TM2D2: variants seen among roughly 807,000 people sequenced by gnomAD.
TM2D2 encodes TM2 domain containing 2.
In TM2D2, 19 loss-of-function variants were observed where a neutral mutation model predicts 23.0. The observed-to-expected ratio is 0.82, with a 90% CI of 0.58 to 1.21. The LOEUF (loss-of-function observed/expected upper bound fraction) is 1.21, where lower values mean the gene tolerates loss of function less well. TM2D2 is among the 50% of genes most tolerant of loss of function. The probability of loss-of-function intolerance (pLI) is 0.00; values close to 1 mark genes in which losing one functional copy is unlikely to be tolerated. For missense variants in TM2D2, 246 were observed against 265.4 expected, an observed-to-expected ratio of 0.93 and a Z score of 0.51; for synonymous variants, 120 against 108.8, an observed-to-expected ratio of 1.10 and a Z score of -0.64.
At chr8:38,996,083 G>T in intron 1 of TM2D2, 130 bp downstream of exon 1, 2 of 1,104,342 alleles carry the variant, frequency 1.8e-6, no homozygotes, top group Non-Finnish European at 2.5e-6. Context: ...CATGATATTT[G>T]CCTCCGGAAC....
chr8:38,993,540 C>T lies in TM2D2; in HGVS notation c.431+5G>A. On this transcript the variant is annotated splice_donor_5th_base_variant and intron_variant, in intron 3 of 3. Coordinates refer to ENST00000456397, the MANE Select transcript of TM2D2 (RefSeq NM_078473.3). ...ACCAACTACTCCAATCAAAGTAACA[C>T]TTACTTTATACAAGGTTTATTTTCT... The T allele has an allele frequency of 1.3e-6, 2 of 1,588,624 alleles. No homozygotes were observed. The highest frequency in any genetic ancestry group is 1.7e-6 in the Non-Finnish European group (2 of 1,157,400).
rs1175796610 is a variant in TM2D2, at chr8:38,989,592, T to A, written c.*1740A>T. 6 of 152,268 alleles carry A rather than the reference T, an allele frequency of 3.9e-5. No individual in the cohort carries two copies. Among genetic ancestry groups the A allele is most frequent in the African/African-American group, 1.4e-4 (6 of 41,454 alleles). The allele number at this position is 152,268 out of a possible 1,614,324, so 9.4% of individuals were successfully genotyped here. On this transcript the variant is annotated 3_prime_UTR_variant, in exon 4 of 4. Transcript: ENST00000456397. ...GCCTCGGCCTCCCAAAGTGCAGGGA[T>A]TACAGGCTTGCACCATTGCGCTGGC...
intron 3 of TM2D2, 87 bp downstream of exon 3, chr8:38,993,458 A>G (rs550558278): frequency 4.0e-6 from 4 of 1,003,712 alleles, no homozygotes; most frequent in Admixed American, 5.1e-5. Context: ...CCTGTCTCTT[A>G]AAACAAAAAA....
At chr8:38,996,622 A>C (rs1172735284), upstream of TM2D2, 1 of 1,439,826 alleles carries the variant, frequency 6.9e-7, no homozygotes, top group East Asian at 2.5e-5. Flanking sequence ...AAGGTCGAGC[A>C]GACGGGCGGG....
chr8:38,991,244 G>T lies in TM2D2; in HGVS notation c.*88C>A. 1 of 1,086,364 alleles carries T rather than the reference G, an allele frequency of 9.2e-7. No individual in the cohort carries two copies. Among genetic ancestry groups the T allele is most frequent in the Non-Finnish European group, 1.4e-6 (1 of 733,068 alleles). 67.3% of individuals were successfully genotyped at this position (1,086,364 alleles called of 1,614,324 possible). A position where few individuals can be genotyped will look rare whatever the true frequency, so the allele number is the denominator to read the frequency against. Reference sequence around the variant, plus strand: ...AAAGAAGGAAAATAACATCAGGTCTGATATCAAAGAGGAGTTTTGAGCCTG... The same window carrying T: ...AAAGAAGGAAAATAACATCAGGTCTTATATCAAAGAGGAGTTTTGAGCCTG... On this transcript the variant is annotated 3_prime_UTR_variant, in exon 4 of 4. Transcript: ENST00000456397.
In TM2D2 at chr8:38,991,268, T is replaced by C. The variant is rs369201513; in HGVS notation, c.*64A>G. 7.5e-7 allele frequency: 1 copy of C among 1,336,154 alleles called. No individual in the cohort carries two copies. The highest frequency in any genetic ancestry group is 2.4e-5 in the East Asian group (1 of 41,092). The allele number at this position is 1,336,154 out of a possible 1,614,324, so 82.8% of individuals were successfully genotyped here. A position where few individuals can be genotyped will look rare whatever the true frequency, so the allele number is the denominator to read the frequency against. On this transcript the variant is annotated 3_prime_UTR_variant, in exon 4 of 4. Transcript: ENST00000456397. ...TGATATCAAAGAGGAGTTTTGAGCCTGTAGAGATGAATTCAGAAGACGGAG... is the reference window on the plus strand; with the variant it reads ...TGATATCAAAGAGGAGTTTTGAGCCCGTAGAGATGAATTCAGAAGACGGAG...
rs892763055 is a variant in TM2D2, at chr8:38,993,636, C to T, written c.340G>A (p.Val114Met). The T allele has an allele frequency of 1.1e-5, 17 of 1,613,656 alleles. No individual in the cohort carries two copies. The highest frequency in any genetic ancestry group is 1.7e-5 in the Admixed American group (1 of 60,000). ...TGGCACTGGACTGAAGTGTGTTCCA[C>T]GTCGCTGTAGGCCTGACCGCCGAAC... ...LKFGGQAYSD[V>M]EHTSVQCHAL... The change falls in exon 3 of 4, where the codon GTG becomes ATG. Residue 114 changes from valine to methionine, a missense_variant. Physicochemically the swap from Val to Met is conservative, Grantham distance 21 (BLOSUM62 1). This residue lies in a region of TM2D2 where 212 missense variants were observed against 202.2 expected (regional missense o/e 1.05). Transcript: ENST00000456397.
Position 38,995,724 on chromosome 8 carries a change from C to G in TM2D2, c.228-319G>C, listed in dbSNP as rs1835752163. The G allele has an allele frequency of 2.3e-6, 3 of 1,300,796 alleles. No individual in the cohort carries two copies. The African/African-American group carries it at 4.6e-5, about 20-fold the overall frequency. The allele number at this position is 1,300,796 out of a possible 1,614,324, so 80.6% of individuals were successfully genotyped here. The stretch of plus-strand genomic sequence containing the variant: ...GGCAAAATTTAAGCCAAAGTATTCT[C>G]AGTCCTCTTTGCATTTCCCAAATGC... On this transcript the variant is annotated intron_variant, in intron 1 of 3. Coordinates refer to ENST00000456397, the MANE Select transcript of TM2D2 (RefSeq NM_078473.3).
At position 38,995,413 on chromosome 8, in the gene TM2D2, T is replaced by A. The variant is rs749270586; in HGVS notation, c.228-8A>T. Reference sequence around the variant, plus strand: ...TCTATAAATTCATCAGGTCTGTAATTCACCAGTAAGATCATGATCATCATC... The same window carrying A: ...TCTATAAATTCATCAGGTCTGTAATACACCAGTAAGATCATGATCATCATC... On this transcript the variant is annotated splice_region_variant and splice_polypyrimidine_tract_variant and intron_variant, in intron 1 of 3. Transcript: ENST00000456397. 31 of 1,612,418 alleles carry A rather than the reference T, an allele frequency of 1.9e-5. No homozygotes were observed. The highest frequency in any genetic ancestry group is 2.5e-5 in the Non-Finnish European group (29 of 1,179,530).
At chr8:38,995,814 G>C in intron 1 of TM2D2, 1 of 1,219,432 alleles carries the variant, frequency 8.2e-7, no homozygotes. Context: ...TAAGAATATT[G>C]ATTGCTTTTT....
At chr8:38,995,089 A>AGGTT (rs777227841) in intron 2 of TM2D2, 3 of 432,710 alleles carry the variant, frequency 6.9e-6, no homozygotes, top group African/African-American at 2.1e-5. Context: ...AACCAAAGAC[A>AGGTT]GGTTGGTCTT....
intron 2 of TM2D2, 35 bp downstream of exon 2, chr8:38,995,283 G>C: frequency 7.0e-7 from 1 of 1,424,128 alleles, no homozygotes; most frequent in Non-Finnish European, 9.5e-7. Context: ...TTTCGTTATC[G>C]AAGGGTTTGC....
At chr8:38,992,594 G>C (rs1254163194) in intron 3 of TM2D2, among the ~76,000 whole-genome samples, 1 of 152,130 alleles carries the variant, frequency 6.6e-6, no homozygotes, top group Non-Finnish European at 1.5e-5. Flanking sequence ...TACTTGCTAA[G>C]ATATGGAGCA....
At chr8:38,994,817 C>A (rs745762360) in intron 2 of TM2D2, among the ~76,000 whole-genome samples, 3 of 152,096 alleles carry the variant, frequency 2.0e-5, no homozygotes, top group African/African-American at 4.8e-5. Flanking sequence ...TCCGCTGGAA[C>A]GCTTTAATGT....
In TM2D2 at chr8:38,989,750, TTA is replaced by T. The variant is rs750983105; in HGVS notation, c.*1580_*1581del. 2.6e-5 allele frequency: 4 copies of T among 152,280 alleles called. No homozygotes were observed. The highest frequency in any genetic ancestry group is 3.9e-4 in the East Asian group (2 of 5,190). The allele number at this position is 152,280 out of a possible 1,614,324, so 9.4% of individuals were successfully genotyped here. A position where few individuals can be genotyped will look rare whatever the true frequency, so the allele number is the denominator to read the frequency against. ...ATCTTATTTTGGGTAATATTATAAT[TTA>T]TGTTTTTTAGACTTCCCTTAGAAAT... On this transcript the variant is annotated 3_prime_UTR_variant, in exon 4 of 4. Transcript: ENST00000456397.
chr8:38,993,913 A>C (rs2129429040), intron 2 of TM2D2: 1 of 276,050 alleles, frequency 3.6e-6, no homozygotes, highest in South Asian at 6.7e-5. Context: ...AGTAAAAAAA[A>C]CCCCCAAACA....
Position 38,991,238 on chromosome 8 carries a change from A to G in TM2D2, c.*94T>C, listed in dbSNP as rs3183442. On this transcript the variant is annotated 3_prime_UTR_variant, in exon 4 of 4. Transcript: ENST00000456397. Reference sequence around the variant, plus strand: ...CCTCCAAAAGAAGGAAAATAACATCAGGTCTGATATCAAAGAGGAGTTTTG... The same window carrying G: ...CCTCCAAAAGAAGGAAAATAACATCGGGTCTGATATCAAAGAGGAGTTTTG... 2 of 1,029,654 alleles carry G rather than the reference A, an allele frequency of 1.9e-6. No individual in the cohort carries two copies. Among genetic ancestry groups the G allele is most frequent in the East Asian group, 2.6e-5 (1 of 38,418 alleles). The allele number at this position is 1,029,654 out of a possible 1,614,324, so 63.8% of individuals were successfully genotyped here.
chr8:38,989,277 A>C lies in TM2D2; in HGVS notation c.*2055T>G, dbSNP rs1835534715. On this transcript the variant is annotated 3_prime_UTR_variant, in exon 4 of 4. Transcript: ENST00000456397. ...CTTCAACCAAGCTCTTACCCCTGGCAACATAAATGACTTCAAGCCTTGGAG... is the reference window on the plus strand; with the variant it reads ...CTTCAACCAAGCTCTTACCCCTGGCCACATAAATGACTTCAAGCCTTGGAG... The C allele has an allele frequency of 6.6e-6, 1 of 152,220 alleles. No individual in the cohort carries two copies. The highest frequency in any genetic ancestry group is 2.4e-5 in the African/African-American group (1 of 41,462). The allele number at this position is 152,220 out of a possible 1,614,324, so 9.4% of individuals were successfully genotyped here.
At chr8:38,996,542 G>T (rs561155091), upstream of TM2D2, 3 of 1,506,802 alleles carry the variant, frequency 2.0e-6, no homozygotes, top group Non-Finnish European at 2.7e-6. Context: ...AGCCCCGCCC[G>T]CGTAGCCCCG....
Sources: gnomAD v4.1 joint callset for allele counts (sites outside exome capture counted in the v4.1 genomes callset) on GRCh38, gnomAD v4.1.1 for gene constraint, gnomAD v4.1.1 regional missense constraint, MANE v1.5 for transcripts, NCBI Gene and HGNC (gene_info 2026-07-23, HGNC 2026-07-21) for gene names.